Variants in CDYL2 observed in about 807,000 individuals in gnomAD.
CDYL2 encodes the protein chromodomain Y-like protein 2.
A neutral mutation model predicts 49.4 loss-of-function variants in CDYL2; 23 were observed. The observed-to-expected ratio is 0.47, with a 90% CI of 0.34 to 0.66. The LOEUF is 0.66. Among genes scored for constraint, CDYL2 ranks in the 30% least tolerant of loss-of-function variants. CDYL2 has a pLI of 0.01. For missense variants in CDYL2, 678 were observed against 656.4 expected (o/e 1.03, Z -0.36); for synonymous variants, 360 against 268.8 (o/e 1.34, Z -3.32).
intron 1 of CDYL2, among the ~76,000 whole-genome samples, 172 bp from the exon 2 acceptor site, chr16:80,685,301 G>A (rs1458013035): frequency 6.6e-6 from 1 of 152,186 alleles, no homozygotes; most frequent in Non-Finnish European, 1.5e-5. Flanking sequence ...GGTTCAAGAA[G>A]GCTGGTTTAT....
At chr16:80,644,108 A>C (rs1224903192) in intron 2 of CDYL2, among the ~76,000 whole-genome samples, 1 of 152,216 alleles carries the variant, frequency 6.6e-6, no homozygotes, top group Non-Finnish European at 1.5e-5. Flanking sequence ...CTGCTTAGAA[A>C]TTTCTTTCAC....
chr16:80,616,992 C>T (rs541640158), intron 4 of CDYL2, among the ~76,000 whole-genome samples: 1 of 152,278 alleles, frequency 6.6e-6, no homozygotes, highest in East Asian at 1.9e-4. Flanking sequence ...CTTCCAGGGG[C>T]CATGTGGGCA....
At chr16:80,742,690 G>A in intron 1 of CDYL2, among the ~76,000 whole-genome samples, 1 of 151,342 alleles carries the variant, frequency 6.6e-6, no homozygotes, top group Non-Finnish European at 1.5e-5. Flanking sequence ...GAATGGGTAG[G>A]TGAGTGCATG....
At chr16:80,754,867 G>C (rs752359878) in intron 1 of CDYL2, among the ~76,000 whole-genome samples, 2 of 152,176 alleles carry the variant, frequency 1.3e-5, no homozygotes, top group Non-Finnish European at 2.9e-5. Context: ...CTGTATCAGG[G>C]AAGGGAGCAG....
In CDYL2 at chr16:80,712,394, T is replaced by C. The variant is rs141813491; in HGVS notation, c.25-27265A>G. Among the ~76,000 whole-genome samples, 11 of 152,006 alleles carry C rather than the reference T, an allele frequency of 7.2e-5. No individual in the cohort carries two copies. The East Asian group carries it at 1.9e-3, about 27-fold the overall frequency. ...TTTGTGTACCCTTACAAGTCTCTCCTGGTCTATTCGTCAATGTCACAACAT... is the reference window on the plus strand; with the variant it reads ...TTTGTGTACCCTTACAAGTCTCTCCCGGTCTATTCGTCAATGTCACAACAT... On this transcript the variant is annotated intron_variant, in intron 1 of 6. Coordinates refer to ENST00000570137, the MANE Select transcript of CDYL2 (RefSeq NM_152342.4).
intron 1 of CDYL2, among the ~76,000 whole-genome samples, chr16:80,777,001 T>C (rs901817642): frequency 1.3e-5 from 2 of 151,968 alleles, no homozygotes; most frequent in African/African-American, 4.8e-5. Flanking sequence ...GTTTTTTTTT[T>C]AATAGGGACG....
rs906913197 is a variant in CDYL2, at chr16:80,693,748, G to C, written c.25-8619C>G. Among the ~76,000 whole-genome samples, 11 of 152,174 alleles carry C rather than the reference G, an allele frequency of 7.2e-5. No homozygotes were observed. The East Asian group carries it at 2.1e-3, about 29-fold the overall frequency. On this transcript the variant is annotated intron_variant, in intron 1 of 6. Transcript: ENST00000570137. ...TAAACTGTTCTGCGTGGTCCTATGG[G>C]GGTGGATTCATGACTGTACATTTGT...
chr16:80,745,666 G>T (rs12149186), intron 1 of CDYL2, among the ~76,000 whole-genome samples: 47,298 of 152,062 alleles, frequency 0.31, 7,816 homozygotes, highest in East Asian at 0.44. Context: ...AGATGACAGT[G>T]CGCAAGTTAT....
At chr16:80,719,317 T>C (rs1288444376) in intron 1 of CDYL2, among the ~76,000 whole-genome samples, 4 of 152,180 alleles carry the variant, frequency 2.6e-5, no homozygotes, top group Non-Finnish European at 5.9e-5. Context: ...GCAAGTCTTC[T>C]AACTGCTCAG....
intron 1 of CDYL2, among the ~76,000 whole-genome samples, chr16:80,757,000 G>A (rs1297769166): frequency 6.6e-6 from 1 of 152,118 alleles, no homozygotes; most frequent in Admixed American, 6.5e-5. Context: ...TTATGGTGAT[G>A]TAATAATGAC....
intron 1 of CDYL2, among the ~76,000 whole-genome samples, chr16:80,723,953 G>C (rs1228223517): frequency 6.7e-6 from 1 of 149,140 alleles, no homozygotes; most frequent in Non-Finnish European, 1.5e-5. Flanking sequence ...AGGAGAAAAA[G>C]GGGGGAGAAA....
At chr16:80,636,576 G>C (rs28773800) in intron 2 of CDYL2, among the ~76,000 whole-genome samples, 9,036 of 152,252 alleles carry the variant, frequency 0.059, 824 homozygotes, top group African/African-American at 0.2. Context: ...AGAGGATGTG[G>C]AGAAATAGGA....
chr16:80,678,677 G>T (rs1399740969), intron 2 of CDYL2, among the ~76,000 whole-genome samples: 3 of 149,072 alleles, frequency 2.0e-5, no homozygotes, highest in Non-Finnish European at 4.5e-5. Flanking sequence ...CTGTAAAGTA[G>T]TTCAACCATT....
chr16:80,666,586 A>T (rs1245760493), intron 2 of CDYL2, among the ~76,000 whole-genome samples: 1 of 152,174 alleles, frequency 6.6e-6, no homozygotes, highest in East Asian at 1.9e-4. Context: ...TGGCGACAAC[A>T]ATCACCAGAT....
At chr16:80,784,847 T>C (rs1322847234) in intron 1 of CDYL2, among the ~76,000 whole-genome samples, 1 of 152,142 alleles carries the variant, frequency 6.6e-6, no homozygotes, top group Non-Finnish European at 1.5e-5. Flanking sequence ...TCTATCCTGG[T>C]CTGGGGGTCA....
At chr16:80,663,486 T>C (rs1909133100) in intron 2 of CDYL2, among the ~76,000 whole-genome samples, 1 of 152,222 alleles carries the variant, frequency 6.6e-6, no homozygotes, top group African/African-American at 2.4e-5. Flanking sequence ...TTATGCCAGA[T>C]AAAATCCATA....
rs527502757 is a variant in CDYL2, at chr16:80,803,487, G to A, written c.24+663C>T. Among the ~76,000 whole-genome samples the A allele has an allele frequency of 4.6e-4, 70 of 151,758 alleles. 1 individual carries two copies. The highest frequency in any genetic ancestry group is 1.2e-3 in the Admixed American group (19 of 15,282). ...ACCCGCAAGGGCCACCCCCACGCCC[G>A]AGCCCGGAGGGCGTCCGAGCTGGTG... On this transcript the variant is annotated intron_variant, in intron 1 of 6. Transcript: ENST00000570137.
intron 2 of CDYL2, among the ~76,000 whole-genome samples, chr16:80,667,229 C>T (rs1444445667): frequency 6.6e-6 from 1 of 152,144 alleles, no homozygotes; most frequent in Non-Finnish European, 1.5e-5. Flanking sequence ...ATGGGGTGGG[C>T]TTCCATCTAT....
chr16:80,784,701 G>A (rs75212292), intron 1 of CDYL2, among the ~76,000 whole-genome samples: 2,005 of 152,290 alleles, frequency 0.013, 93 homozygotes, highest in East Asian at 0.13. Context: ...AGGTGCTGGG[G>A]ATGCAGCAGT....
Sources: gnomAD v4.1 joint callset for allele counts (sites outside exome capture counted in the v4.1 genomes callset) on GRCh38, gnomAD v4.1.1 for gene constraint, MANE v1.5 for transcripts, NCBI Gene and HGNC (gene_info 2026-07-23, HGNC 2026-07-21) for gene names.